Variants in PHTF2 observed in about 807,000 individuals in gnomAD.
PHTF2 encodes the protein putative homeodomain transcription factor 2, also known as protein PHTF2.
Under a neutral mutation model 101.2 loss-of-function variants are expected in PHTF2, and 60 were observed. The ratio of observed to expected loss-of-function variants is 0.59; its 90% confidence interval spans 0.48 to 0.73. The LOEUF (loss-of-function observed/expected upper bound fraction) is 0.73. PHTF2 is among the 30% of genes least tolerant of loss of function. The pLI, the probability that PHTF2 is intolerant of heterozygous loss-of-function variation, is 0.00. For missense variants in PHTF2, 747 were observed against 908.7 expected (o/e 0.82, Z 2.29); for synonymous variants, 311 against 307.3 (o/e 1.01, Z -0.13).
intron 3 of PHTF2, among the ~76,000 whole-genome samples, chr7:77,863,773 C>T (rs1191967276): frequency 1.4e-5 from 2 of 144,410 alleles, no homozygotes; most frequent in Non-Finnish European, 3.0e-5. Flanking sequence ...GCACTGAGTT[C>T]CCTGTTTTGT....
At chr7:77,826,218 G>GA (rs1425124309) in intron 1 of PHTF2, among the ~76,000 whole-genome samples, 4 of 152,030 alleles carry the variant, frequency 2.6e-5, no homozygotes, top group Admixed American at 2.6e-4. Context: ...TATACAAAGA[G>GA]AAAAAAATTC....
At chr7:77,851,858 C>T (rs1241829099) in intron 2 of PHTF2, among the ~76,000 whole-genome samples, 1 of 152,138 alleles carries the variant, frequency 6.6e-6, no homozygotes, top group Non-Finnish European at 1.5e-5. Context: ...GAGGATTAAA[C>T]TTTCCTCTTA....
intron 3 of PHTF2, among the ~76,000 whole-genome samples, chr7:77,876,868 T>A (rs903015532): frequency 2.6e-5 from 4 of 152,220 alleles, no homozygotes. Flanking sequence ...TTAAATAATT[T>A]TCAATGATTT....
At chr7:77,843,201 A>G (rs548073911) in intron 2 of PHTF2, among the ~76,000 whole-genome samples, 1 of 152,264 alleles carries the variant, frequency 6.6e-6, no homozygotes. Context: ...TGGTAAAATC[A>G]GTATTTGGTG....
intron 1 of PHTF2, among the ~76,000 whole-genome samples, chr7:77,815,269 A>T (rs923123013): frequency 4.6e-5 from 7 of 152,120 alleles, no homozygotes; most frequent in African/African-American, 1.4e-4. Flanking sequence ...CTTTGTGCAT[A>T]TCTGTAAATG....
At chr7:77,822,564 T>A (rs946772987) in intron 1 of PHTF2, among the ~76,000 whole-genome samples, 7 of 152,104 alleles carry the variant, frequency 4.6e-5, no homozygotes, top group African/African-American at 1.7e-4. Context: ...GGGATTCTCC[T>A]GTAGTAAGGA....
At position 77,953,907 on chromosome 7, in the gene PHTF2, A is replaced by G. The variant is rs1722752621; in HGVS notation, c.2337+13A>G. 5.0e-6 allele frequency: 8 copies of G among 1,611,954 alleles called. No homozygotes were observed. Among genetic ancestry groups the G allele is most frequent in the Non-Finnish European group, 6.8e-6 (8 of 1,178,730 alleles). The stretch of plus-strand genomic sequence containing the variant: ...ATTTAATTTAAAGGTAAGAGGTTGC[A>G]AGTACTTTTTATTTCTTAGTTTCCT... On this transcript the variant is annotated intron_variant, in intron 19 of 19. Transcript: ENST00000416283.
At chr7:77,901,995 A>G in intron 7 of PHTF2, 75 bp downstream of exon 6, 3 of 762,414 alleles carry the variant, frequency 3.9e-6, no homozygotes, top group Non-Finnish European at 2.0e-6. Flanking sequence ...TGTTTTAAAC[A>G]TATGCTAACT....
chr7:77,948,024 A>G (rs1806228896), intron 16 of PHTF2, among the ~76,000 whole-genome samples: 1 of 151,286 alleles, frequency 6.6e-6, no homozygotes, highest in Non-Finnish European at 1.5e-5. Flanking sequence ...TTTTTAGTAG[A>G]GACGGGGGTT....
intron 1 of PHTF2, among the ~76,000 whole-genome samples, chr7:77,838,370 G>T (rs1209806343): frequency 6.6e-6 from 1 of 152,182 alleles, no homozygotes; most frequent in Non-Finnish European, 1.5e-5. Flanking sequence ...CCATGTGTAT[G>T]TAATTGAGAA....
Position 77,907,673 on chromosome 7 carries a change from A to G in PHTF2, c.446-1120A>G, listed in dbSNP as rs530376597. Among the ~76,000 whole-genome samples, 15 of 152,294 alleles carry G rather than the reference A, an allele frequency of 9.8e-5. No individual in the cohort carries two copies. The South Asian group carries it at 2.9e-3, about 30-fold the overall frequency. On this transcript the variant is annotated intron_variant, in intron 7 of 19. Transcript: ENST00000416283. The stretch of plus-strand genomic sequence containing the variant: ...CACCTAAATACCCATCTCTTTAACA[A>G]TGATTAACGTTTTGGGATGTTTACT...
chr7:77,862,346 T>C (rs1056077733), intron 3 of PHTF2, among the ~76,000 whole-genome samples: 16 of 152,176 alleles, frequency 1.1e-4, no homozygotes, highest in Admixed American at 2.0e-4. Flanking sequence ...CATAATAGAA[T>C]GTTTTTGGTT....
intron 3 of PHTF2, among the ~76,000 whole-genome samples, chr7:77,886,876 C>T (rs1799898529): frequency 1.3e-5 from 2 of 151,802 alleles, no homozygotes; most frequent in South Asian, 4.2e-4. Context: ...GGAGCTGTCA[C>T]CTCTACAAGA....
chr7:77,950,163 A>G (rs1049158199), intron 17 of PHTF2, among the ~76,000 whole-genome samples: 10 of 152,352 alleles, frequency 6.6e-5, no homozygotes, highest in African/African-American at 2.2e-4. Flanking sequence ...TTTACTCAGT[A>G]GAAAGAATAA....
chr7:77,905,610 T>C (rs1801784644), intron 7 of PHTF2, among the ~76,000 whole-genome samples: 1 of 152,080 alleles, frequency 6.6e-6, no homozygotes, highest in Admixed American at 6.5e-5. Flanking sequence ...TCATTCCTCC[T>C]ACCTCTACCT....
intron 1 of PHTF2, among the ~76,000 whole-genome samples, chr7:77,832,498 A>G (rs1795147958): frequency 1.3e-5 from 2 of 152,226 alleles, no homozygotes; most frequent in Non-Finnish European, 2.9e-5. Flanking sequence ...TGGCCTTAAA[A>G]GTATGTTTGA....
chr7:77,832,577 AC>A (rs1795154485), intron 1 of PHTF2, among the ~76,000 whole-genome samples: 1 of 152,196 alleles, frequency 6.6e-6, no homozygotes, highest in African/African-American at 2.4e-5. Flanking sequence ...GCCACAAAAC[AC>A]TGAAAAGTCT....
At chr7:77,890,031 C>CG (rs397830083) in intron 3 of PHTF2, among the ~76,000 whole-genome samples, 27 of 149,696 alleles carry the variant, frequency 1.8e-4, no homozygotes, top group Admixed American at 1.5e-3. Flanking sequence ...CGCCCCCCCC[C>CG]ACCACCATGA....
intron 2 of PHTF2, among the ~76,000 whole-genome samples, chr7:77,848,429 T>C (rs1796479333): frequency 6.6e-6 from 1 of 152,228 alleles, no homozygotes; most frequent in African/African-American, 2.4e-5. Flanking sequence ...TATCTCACTG[T>C]AGTTTTGATT....
Sources: gnomAD v4.1 joint callset for allele counts (sites outside exome capture counted in the v4.1 genomes callset) on GRCh38, gnomAD v4.1.1 for gene constraint, MANE v1.5 for transcripts, NCBI Gene and HGNC (gene_info 2026-07-23, HGNC 2026-07-21) for gene names.